Variants in AP2S1 observed in about 807,000 individuals in gnomAD.
AP2S1 encodes the protein AP-2 complex subunit sigma.
A neutral mutation model predicts 21.0 loss-of-function variants in AP2S1; 6 were observed. The ratio of observed to expected loss-of-function variants is 0.29; its 90% CI spans 0.16 to 0.56. The LOEUF is 0.56. Ranked by LOEUF, AP2S1 falls within the 20% of genes least tolerant of loss-of-function variation. The probability of loss-of-function intolerance (pLI) is 0.92; values close to 1 mark genes in which losing one functional copy is unlikely to be tolerated. For synonymous variants in AP2S1, 63 were observed against 74.6 expected (o/e 0.84, Z 0.80); for missense variants, 60 against 186.2 (o/e 0.32, Z 3.95).
intron 2 of AP2S1, among the ~76,000 whole-genome samples, chr19:46,843,241 C>T (rs2055559914): frequency 6.6e-6 from 1 of 152,326 alleles, no homozygotes; most frequent in Non-Finnish European, 1.5e-5. Context: ...ACACCGACGG[C>T]TTCCATGCTG....
chr19:46,839,439 C>CCCCAAAAAAACACA, intron 3 of AP2S1, 26 bp downstream of exon 3: 2 of 1,569,694 alleles, frequency 1.3e-6, no homozygotes, highest in East Asian at 2.3e-5. Context: ...CCCGCCTCCC[C>CCCCAAAAAAACACA]ACCTTACATC....
At chr19:46,846,897 C>T (rs2055645499) in intron 1 of AP2S1, among the ~76,000 whole-genome samples, 1 of 152,078 alleles carries the variant, frequency 6.6e-6, no homozygotes, top group East Asian at 1.9e-4. Flanking sequence ...AACTTCTGAC[C>T]TCAGGTGATC....
intron 1 of AP2S1, among the ~76,000 whole-genome samples, chr19:46,849,010 CTTT>C (rs59512372): frequency 2.0e-4 from 11 of 56,166 alleles, no homozygotes; most frequent in Admixed American, 6.6e-4. Flanking sequence ...TGTGCCCAGC[CTTT>C]TTTTTTTTTT....
chr19:46,839,424 G>GGGCCC, intron 3 of AP2S1, 41 bp downstream of exon 3: 3 of 1,504,476 alleles, frequency 2.0e-6, no homozygotes, highest in Non-Finnish European at 1.8e-6. Context: ...CTCCAGGGCT[G>GGGCCC]CCCACCCGCC....
intron 2 of AP2S1, 96 bp downstream of exon 2, chr19:46,845,897 G>A: frequency 6.6e-7 from 1 of 1,518,188 alleles, no homozygotes; most frequent in Non-Finnish European, 9.0e-7. Context: ...ATGGATAGAG[G>A]GTCCAAGGGG....
chr19:46,840,761 A>T (rs997488873), intron 2 of AP2S1, among the ~76,000 whole-genome samples: 3 of 117,050 alleles, frequency 2.6e-5, no homozygotes, highest in African/African-American at 1.1e-4. Flanking sequence ...TCTGACGCCC[A>T]GGCTGGAGAG....
At chr19:46,839,439 C>A in intron 3 of AP2S1, 26 bp downstream of exon 3, 2 of 1,569,654 alleles carry the variant, frequency 1.3e-6, no homozygotes, top group Non-Finnish European at 8.7e-7. Context: ...CCCGCCTCCC[C>A]ACCTTACATC....
At position 46,842,457 on chromosome 19, in the gene AP2S1, G is replaced by A. The variant is rs77023200; in HGVS notation, c.154-2879C>T. 4.2e-3 allele frequency among the ~76,000 whole-genome samples: 642 copies of A among 152,306 alleles called. 3 individuals are homozygous for A. The highest frequency in any genetic ancestry group is 0.014 in the African/African-American group (599 of 41,568). On this transcript the variant is annotated intron_variant, in intron 2 of 4. Coordinates refer to ENST00000263270, the MANE Select transcript of AP2S1 (RefSeq NM_004069.6). Reference sequence around the variant, plus strand: ...CTAGCACTGGGCTGATCACAGAGGAGGCACACAGAAACATTAGGTGAATAC... The same window carrying A: ...CTAGCACTGGGCTGATCACAGAGGAAGCACACAGAAACATTAGGTGAATAC...
intron 2 of AP2S1, chr19:46,845,653 C>CA: frequency 4.6e-5 from 8 of 174,818 alleles, no homozygotes; most frequent in Non-Finnish European, 8.5e-5. Flanking sequence ...AAAAATTTGA[C>CA]CAAAAAAAAA....
rs1001192722 is a variant in AP2S1 at position 46,846,080 on chromosome 19, C to T, written c.66G>A (p.Gln22=). ...GKTRLAKWYM[Q]FDDDEKQKLI... is the part of the protein sequence containing the mutation. ...GCTTCTGTTTCTCATCATCATCAAA[C>T]TGCATGTACCACTTGGCCAGGCGCG... The change falls in exon 2 of 5, where the codon CAG becomes CAA. Residue 22 remains glutamine, a synonymous_variant. Coordinates refer to ENST00000263270, the MANE Select transcript of AP2S1 (RefSeq NM_004069.6). The T allele has an allele frequency of 3.1e-6, 5 of 1,614,176 alleles. No individual in the cohort carries two copies. Among genetic ancestry groups the T allele is most frequent in the Non-Finnish European group, 3.4e-6 (4 of 1,180,032 alleles).
At position 46,847,235 on chromosome 19, in the gene AP2S1, C is replaced by CTT. The variant is rs755228711; in HGVS notation, c.4-1095_4-1094dup. ...ATTCACAGTTGTGTAAAAATCACCA[C>CTT]TTTTTTTTTTTTTTTTGAGACAGGT... On this transcript the variant is annotated intron_variant, in intron 1 of 4. Transcript: ENST00000263270. 2.6e-3 allele frequency among the ~76,000 whole-genome samples: 367 copies of CTT among 141,840 alleles called. 2 individuals carry two copies. Among genetic ancestry groups the CTT allele is most frequent in the African/African-American group, 7.9e-3 (308 of 38,924 alleles). 93.1% of individuals were successfully genotyped at this position (141,840 alleles called of 152,430 possible).
chr19:46,845,134 C>T (rs1267420486), intron 2 of AP2S1, among the ~76,000 whole-genome samples: 3 of 142,948 alleles, frequency 2.1e-5, no homozygotes, highest in East Asian at 2.1e-4. Context: ...AAAGGCCAGG[C>T]GCAGTGGCTC....
chr19:46,839,757 G>C, intron 2 of AP2S1, 179 bp from the exon 3 acceptor site: 1 of 1,028,436 alleles, frequency 9.7e-7, no homozygotes. Context: ...TCACAGTGCA[G>C]CGGGGGCAGG....
At chr19:46,839,295 A>AAAAAAAG (rs1406388760) in intron 3 of AP2S1, among the ~76,000 whole-genome samples, 170 bp downstream of exon 3, 57 of 47,024 alleles carry the variant, frequency 1.2e-3, no homozygotes, top group African/African-American at 5.6e-3. Flanking sequence ...TCAAAAAAAA[A>AAAAAAAG]AAAAAAAAAA....
At chr19:46,850,669 G>T in intron 1 of AP2S1, 95 bp downstream of exon 1, 1 of 1,151,878 alleles carries the variant, frequency 8.7e-7, no homozygotes, top group African/African-American at 1.5e-5. Flanking sequence ...GACCATCCGC[G>T]GCAGAGAAGG....
At chr19:46,839,731 A>C in intron 2 of AP2S1, 153 bp from the exon 3 acceptor site, 4 of 1,305,946 alleles carry the variant, frequency 3.1e-6, no homozygotes, top group Non-Finnish European at 4.2e-6. Context: ...AGTGACCGAG[A>C]CAGCCCTAAC....
intron 3 of AP2S1, 30 bp downstream of exon 3, chr19:46,839,435 T>G: frequency 2.1e-5 from 16 of 779,088 alleles, no homozygotes; most frequent in Non-Finnish European, 3.2e-5. Flanking sequence ...CCCACCCGCC[T>G]CCCCACCTTA....
intron 2 of AP2S1, among the ~76,000 whole-genome samples, chr19:46,840,467 C>T (rs1476259774): frequency 6.6e-6 from 1 of 151,538 alleles, no homozygotes; most frequent in African/African-American, 2.4e-5. Context: ...ATGGTGAAAC[C>T]CCATCTATAC....
intron 3 of AP2S1, 59 bp downstream of exon 3, chr19:46,839,406 G>T: frequency 1.3e-6 from 2 of 1,586,330 alleles, no homozygotes; most frequent in African/African-American, 1.3e-5. Flanking sequence ...CCCAGGCCTT[G>T]GGGGCCACTC....
Sources: gnomAD v4.1 joint callset for allele counts (sites outside exome capture counted in the v4.1 genomes callset) on GRCh38, gnomAD v4.1.1 for gene constraint, MANE v1.5 for transcripts, NCBI Gene and HGNC (gene_info 2026-07-23, HGNC 2026-07-21) for gene names.